Variants in HEATR5B observed in about 807,000 individuals in gnomAD.
The protein encoded by HEATR5B is HEAT repeat containing 5B.
HEATR5B carries 156 observed loss-of-function variants against 224.1 expected under a neutral mutation model. That is an observed-to-expected ratio of 0.70 (90% CI 0.61 to 0.80). The LOEUF (loss-of-function observed/expected upper bound fraction) is 0.80. Ranked by LOEUF, HEATR5B falls within the 30% of genes least tolerant of loss-of-function variation. The pLI, the probability that HEATR5B is intolerant of heterozygous loss-of-function variation, is 0.00. For missense variants in HEATR5B, 2,323 were observed against 2,535.5 expected (o/e 0.92, Z 1.80); for synonymous variants, 1,027 against 893.0 (o/e 1.15, Z -2.68).
intron 18 of HEATR5B, among the ~76,000 whole-genome samples, chr2:37,048,193 T>G (rs895110455): frequency 4.6e-5 from 7 of 151,556 alleles, no homozygotes; most frequent in African/African-American, 1.7e-4. Context: ...ACATTGTTTT[T>G]TTTTTTTTTG....
chr2:37,072,387 C>T (rs1046334068), intron 5 of HEATR5B, 106 bp from the exon 6 acceptor site: 18 of 681,216 alleles, frequency 2.6e-5, no homozygotes, highest in South Asian at 2.2e-5. Flanking sequence ...CCAAAAAACT[C>T]GACAAAATAA....
chr2:36,995,087 G>GTTTTTTTTTTTTTTTTTTTTTT (rs775120824), intron 33 of HEATR5B, among the ~76,000 whole-genome samples: 1 of 104,132 alleles, frequency 9.6e-6, no homozygotes, highest in Non-Finnish European at 1.9e-5. Context: ...GTTATTCCTT[G>GTTTTTTTTTTTTTTTTTTTTTT]TTTTTTTTTT....
chr2:37,071,529 C>T (rs1572936862), intron 6 of HEATR5B, among the ~76,000 whole-genome samples: 1 of 152,220 alleles, frequency 6.6e-6, no homozygotes, highest in East Asian at 1.9e-4. Flanking sequence ...AAATAAGTAG[C>T]AAATAAAGTG....
At chr2:37,060,853 T>C in intron 11 of HEATR5B, 120 bp from the exon 12 acceptor site, 1 of 658,022 alleles carries the variant, frequency 1.5e-6, no homozygotes, top group South Asian at 2.8e-5. Context: ...TAGAGTAAAA[T>C]ACTGATGTTT....
At chr2:37,082,799 G>C (rs1672684804) in intron 2 of HEATR5B, among the ~76,000 whole-genome samples, 1 of 152,142 alleles carries the variant, frequency 6.6e-6, no homozygotes, top group Admixed American at 6.5e-5. Flanking sequence ...TGAGACCCCT[G>C]ATTTCCCACT....
intron 7 of HEATR5B, 90 bp from the exon 8 acceptor site, chr2:37,069,020 G>A: frequency 7.7e-7 from 1 of 1,295,492 alleles, no homozygotes; most frequent in South Asian, 1.5e-5. Flanking sequence ...ACTGATAACA[G>A]CATGCTGAAT....
chr2:37,071,349 C>A (rs1307711141), intron 6 of HEATR5B, among the ~76,000 whole-genome samples: 2 of 152,144 alleles, frequency 1.3e-5, no homozygotes, highest in Non-Finnish European at 2.9e-5. Flanking sequence ...TGCTCACAGG[C>A]ACCCCTGAGA....
chr2:37,061,918 C>T (rs1184101002), intron 11 of HEATR5B, 21 bp downstream of exon 11: 2 of 1,465,382 alleles, frequency 1.4e-6, no homozygotes, highest in African/African-American at 2.8e-5. Context: ...TGACAAAAAT[C>T]CTACTCAAAT....
intron 35 of HEATR5B, among the ~76,000 whole-genome samples, chr2:36,988,069 A>T (rs755368846): frequency 3.7e-4 from 56 of 150,868 alleles, no homozygotes; most frequent in Middle Eastern, 6.8e-3. Flanking sequence ...GAGACTGTCT[A>T]AAAAAAAAGA....
At chr2:37,077,666 CTT>C (rs1281814415) in intron 3 of HEATR5B, among the ~76,000 whole-genome samples, 4 of 152,196 alleles carry the variant, frequency 2.6e-5, no homozygotes, top group Non-Finnish European at 5.9e-5. Flanking sequence ...CAATCCCTCT[CTT>C]CTTTCATTAT....
At chr2:37,073,905 T>C (rs1170807868) in intron 5 of HEATR5B, among the ~76,000 whole-genome samples, 7 of 152,162 alleles carry the variant, frequency 4.6e-5, no homozygotes, top group South Asian at 2.1e-4. Flanking sequence ...GGCATCAAGA[T>C]AGACAAATGG....
At chr2:37,039,942 T>A (rs2148496036) in intron 20 of HEATR5B, among the ~76,000 whole-genome samples, 1 of 152,348 alleles carries the variant, frequency 6.6e-6, no homozygotes, top group South Asian at 2.1e-4. Flanking sequence ...AATATTTACC[T>A]TATGACAGTG....
chr2:37,015,535 G>C (rs1049687794), intron 26 of HEATR5B, among the ~76,000 whole-genome samples: 1 of 152,126 alleles, frequency 6.6e-6, no homozygotes, highest in East Asian at 1.9e-4. Context: ...TTTAGGGGGC[G>C]GGTGAAGGGA....
intron 20 of HEATR5B, among the ~76,000 whole-genome samples, chr2:37,038,261 T>A (rs545153035): frequency 2.2e-4 from 33 of 152,116 alleles, no homozygotes; most frequent in African/African-American, 7.7e-4. Flanking sequence ...TGCCTCAGCC[T>A]CTGGAGTAGC....
rs1669845012 is a variant in HEATR5B, at chr2:37,041,128, T to C, written c.2856+5A>G. On this transcript the variant is annotated splice_donor_5th_base_variant and intron_variant, in intron 19 of 35. Coordinates refer to ENST00000233099, the MANE Select transcript of HEATR5B (RefSeq NM_019024.3). The stretch of plus-strand genomic sequence containing the variant: ...TTTGTAATAAAAAAACCAATTATAT[T>C]ATACCTGGACTTCAGGGGATGTCCC... 1.9e-6 allele frequency: 3 copies of C among 1,607,648 alleles called. No individual in the cohort carries two copies. Among genetic ancestry groups the C allele is most frequent in the Admixed American group, 1.7e-5 (1 of 58,252 alleles).
In HEATR5B at chr2:37,005,661, A is replaced by G; in HGVS notation, c.4876T>C (p.Tyr1626His). 6.2e-7 allele frequency: 1 copy of G among 1,613,666 alleles called. No homozygotes were observed. Among genetic ancestry groups the G allele is most frequent in the Non-Finnish European group, 8.5e-7 (1 of 1,179,606 alleles). ...TCTTCTGCAATATGGACTCGAGCAT[A>G]AGGGGAGTCTAGCAAGGTATGTAAG... is the stretch of plus-strand genomic sequence containing the variant. Reference protein sequence around the residue: ...QALHTLLDSPYARVHIAEDQL... With the variant: ...QALHTLLDSPHARVHIAEDQL... The change falls in exon 30 of 36, where the codon TAT becomes CAT. Residue 1626 changes from tyrosine to histidine, a missense_variant. Physicochemically the swap from Tyr to His is moderately conservative, Grantham distance 83. Coordinates refer to ENST00000233099, the MANE Select transcript of HEATR5B (RefSeq NM_019024.3).
intron 34 of HEATR5B, among the ~76,000 whole-genome samples, chr2:36,989,848 T>C (rs1444493035): frequency 6.6e-6 from 1 of 151,294 alleles, no homozygotes; most frequent in East Asian, 1.9e-4. Flanking sequence ...TGGAGCCACC[T>C]ATCTGGAGAC....
At chr2:37,011,574 T>C (rs888848221) in intron 27 of HEATR5B, among the ~76,000 whole-genome samples, 1 of 152,240 alleles carries the variant, frequency 6.6e-6, no homozygotes, top group Admixed American at 6.5e-5. Context: ...AATTTTGATG[T>C]ACAGAGATTC....
chr2:37,070,929 G>C (rs938783468), intron 6 of HEATR5B, among the ~76,000 whole-genome samples: 3 of 152,118 alleles, frequency 2.0e-5, no homozygotes, highest in Admixed American at 6.5e-5. Flanking sequence ...TTCAAGCTTT[G>C]GTATTTGGCT....
Sources: allele counts gnomAD v4.1 joint callset (sites outside exome capture counted in the v4.1 genomes callset), GRCh38; gene constraint gnomAD v4.1.1; transcripts MANE v1.5; gene names NCBI Gene and HGNC (gene_info 2026-07-23, HGNC 2026-07-21).